The following FAM53B variants were observed in gnomAD, a reference collection of about 807,000 sequenced individuals.
FAM53B encodes the protein protein FAM53B.
Under a neutral mutation model 32.7 loss-of-function variants are expected in FAM53B, and 12 were observed. The ratio of observed to expected loss-of-function variants is 0.37; its 90% CI spans 0.24 to 0.59. The LOEUF (loss-of-function observed/expected upper bound fraction) is 0.59, where lower values mean the gene tolerates loss of function less well. Among genes scored for constraint, FAM53B ranks in the 20% least tolerant of loss-of-function variants. The pLI, the probability that FAM53B is intolerant of heterozygous loss-of-function variation, is 0.72. For missense variants in FAM53B, 477 were observed against 577.7 expected, an observed-to-expected ratio of 0.83 and a Z score of 1.79; for synonymous variants, 234 against 228.7, an observed-to-expected ratio of 1.02 and a Z score of -0.21.
In FAM53B at chr10:124,620,123, T is replaced by C. The variant is rs1949297223; in HGVS notation, c.*3119A>G. 1 of 152,632 alleles carries C rather than the reference T, an allele frequency of 6.6e-6. No individual in the cohort carries two copies. 9.5% of individuals were successfully genotyped at this position (152,632 alleles called of 1,614,324 possible). ...CACAAAACTGGCTACAAAAATTTGGTTGAAAAGTAAGGCTTTCTGAGAATG... is the reference window on the plus strand; with the variant it reads ...CACAAAACTGGCTACAAAAATTTGGCTGAAAAGTAAGGCTTTCTGAGAATG... On this transcript the variant is annotated 3_prime_UTR_variant, in exon 5 of 5. Transcript: ENST00000337318.
At chr10:124,701,734 G>A (rs950624359) in intron 2 of FAM53B, among the ~76,000 whole-genome samples, 17 of 152,344 alleles carry the variant, frequency 1.1e-4, no homozygotes, top group African/African-American at 4.1e-4. Context: ...AGCCATGGCT[G>A]CCGGCAGTGC....
chr10:124,674,113 A>G (rs747513772), intron 4 of FAM53B, among the ~76,000 whole-genome samples: 4 of 152,340 alleles, frequency 2.6e-5, no homozygotes, highest in Non-Finnish European at 5.9e-5. Context: ...CCTCAGAGTT[A>G]CAGAGCCCGG....
intron 4 of FAM53B, among the ~76,000 whole-genome samples, chr10:124,652,023 C>T (rs989935662): frequency 6.6e-6 from 1 of 152,206 alleles, no homozygotes; most frequent in Admixed American, 6.5e-5. Flanking sequence ...TTCCAAAGGG[C>T]ATACCTGGAG....
intron 4 of FAM53B, among the ~76,000 whole-genome samples, chr10:124,681,023 G>A (rs574955623): frequency 1.4e-4 from 22 of 152,330 alleles, no homozygotes; most frequent in African/African-American, 5.3e-4. Context: ...CAAGTGACAG[G>A]GGCGTGTGGC....
At chr10:124,675,261 AGGAAAGAAAGGGAG>A (rs1482361651) in intron 4 of FAM53B, among the ~76,000 whole-genome samples, 8 of 152,196 alleles carry the variant, frequency 5.3e-5, no homozygotes, top group Non-Finnish European at 1.5e-5. Context: ...GTCAAAAGAA[AGGAAAGAAAGGGAG>A]GGAAAGGAAG....
rs1452733783 is a variant in FAM53B at position 124,621,142 on chromosome 10, C to T, written c.*2100G>A. On this transcript the variant is annotated 3_prime_UTR_variant, in exon 5 of 5. Coordinates refer to ENST00000337318, the MANE Select transcript of FAM53B (RefSeq NM_014661.4). ...CCTCAGCCTCAGCTGGCACCGTCCA[C>T]CTCCCTCACTGCCTCTGCCTTCCAC... is the stretch of plus-strand genomic sequence containing the variant. 1 of 152,198 alleles carries T rather than the reference C, an allele frequency of 6.6e-6. No homozygotes were observed. The highest frequency in any genetic ancestry group is 1.5e-5 in the Non-Finnish European group (1 of 68,050). The allele number at this position is 152,198 out of a possible 1,614,324, so 9.4% of individuals were successfully genotyped here.
At chr10:124,686,297 T>C (rs573019087) in intron 3 of FAM53B, among the ~76,000 whole-genome samples, 9 of 152,332 alleles carry the variant, frequency 5.9e-5, no homozygotes, top group Non-Finnish European at 1.0e-4. Context: ...AGCTGGGTGA[T>C]GAATTCCTAC....
At chr10:124,626,085 A>G (rs61870465) in intron 4 of FAM53B, among the ~76,000 whole-genome samples, 15,530 of 152,334 alleles carry the variant, frequency 0.1, 1,113 homozygotes, top group Non-Finnish European at 0.17. Context: ...ACATCTGTTG[A>G]GATGCGTGTG....
intron 3 of FAM53B, among the ~76,000 whole-genome samples, chr10:124,694,998 GCC>G (rs1949859979): frequency 1.3e-5 from 2 of 152,328 alleles, no homozygotes; most frequent in Admixed American, 6.5e-5. Context: ...TGTGAATGAT[GCC>G]ACTGGCAGAG....
chr10:124,634,818 T>C (rs1166348480), intron 4 of FAM53B, among the ~76,000 whole-genome samples: 1 of 152,198 alleles, frequency 6.6e-6, no homozygotes, highest in Non-Finnish European at 1.5e-5. Flanking sequence ...ATGGACTTTC[T>C]TTTGAGGTGA....
rs1950154067 is a variant in FAM53B, at chr10:124,733,023, T to G, written c.-175+10990A>C. ...GCAGCCAGGCCAGATCCTCTTTTACTTTCTTTTCTAACAGGTGAAGGCATG... is the reference window on the plus strand; with the variant it reads ...GCAGCCAGGCCAGATCCTCTTTTACGTTCTTTTCTAACAGGTGAAGGCATG... On this transcript the variant is annotated intron_variant, in intron 1 of 4. Coordinates refer to ENST00000337318, the MANE Select transcript of FAM53B (RefSeq NM_014661.4). The surrounding 1 kb of genome is among the most constrained non-coding windows in gnomAD (Gnocchi z 4.3). 1.3e-5 allele frequency among the ~76,000 whole-genome samples: 2 copies of G among 152,162 alleles called. No individual in the cohort carries two copies. Among genetic ancestry groups the G allele is most frequent in the East Asian group, 1.9e-4 (1 of 5,184 alleles).
intron 1 of FAM53B, among the ~76,000 whole-genome samples, chr10:124,722,268 T>C (rs1051554115): frequency 2.6e-5 from 4 of 152,226 alleles, no homozygotes; most frequent in Non-Finnish European, 5.9e-5. Context: ...ATACATTATA[T>C]GTGTTGCAAC....
At position 124,620,364 on chromosome 10, in the gene FAM53B, A is replaced by AC. The variant is rs1390136160; in HGVS notation, c.*2877dup. 7.4e-6 allele frequency: 1 copy of AC among 135,488 alleles called. No homozygotes were observed. Among genetic ancestry groups the AC allele is most frequent in the African/African-American group, 2.8e-5 (1 of 36,142 alleles). 8.4% of individuals were successfully genotyped at this position (135,488 alleles called of 1,614,324 possible). The stretch of plus-strand genomic sequence containing the variant: ...GTGCATGTGGCACTAAGCCCCCCCC[A>AC]CCGCCCCGGCTTTCCTGCAGGCTTA... On this transcript the variant is annotated 3_prime_UTR_variant, in exon 5 of 5. Coordinates refer to ENST00000337318, the MANE Select transcript of FAM53B (RefSeq NM_014661.4).
intron 4 of FAM53B, among the ~76,000 whole-genome samples, chr10:124,642,510 C>A (rs1949483348): frequency 6.6e-6 from 1 of 152,236 alleles, no homozygotes; most frequent in Non-Finnish European, 1.5e-5. Flanking sequence ...CCCGGTGGCC[C>A]AACAGGCAGA....
chr10:124,709,958 T>C (rs145273739), intron 1 of FAM53B, among the ~76,000 whole-genome samples: 8 of 152,322 alleles, frequency 5.3e-5, no homozygotes, highest in Non-Finnish European at 1.0e-4. Context: ...GTTTGAATAT[T>C]CCATCCCACG....
At chr10:124,694,532 C>G (rs1949856067) in intron 3 of FAM53B, among the ~76,000 whole-genome samples, 1 of 152,214 alleles carries the variant, frequency 6.6e-6, no homozygotes, top group Non-Finnish European at 1.5e-5. Flanking sequence ...GAAATAAAGA[C>G]CAACATCTCC....
At chr10:124,625,991 G>C (rs2134034858) in intron 4 of FAM53B, among the ~76,000 whole-genome samples, 1 of 152,362 alleles carries the variant, frequency 6.6e-6, no homozygotes. Flanking sequence ...GTCCAGTCAA[G>C]GCCAGAGCAG....
At chr10:124,628,929 T>C (rs1046113952) in intron 4 of FAM53B, among the ~76,000 whole-genome samples, 3 of 152,216 alleles carry the variant, frequency 2.0e-5, no homozygotes, top group Admixed American at 2.0e-4. Flanking sequence ...TGGGCTTCCC[T>C]CGCCTCCCTG....
intron 1 of FAM53B, among the ~76,000 whole-genome samples, chr10:124,715,671 T>C (rs1433667077): frequency 3.9e-5 from 6 of 152,224 alleles, no homozygotes; most frequent in Non-Finnish European, 7.3e-5. Flanking sequence ...GCTAAGTCAG[T>C]ATCACAGCAA....
Sources: allele counts gnomAD v4.1 joint callset (sites outside exome capture counted in the v4.1 genomes callset), GRCh38; gene constraint gnomAD v4.1.1; non-coding constraint Gnocchi (gnomAD v3.1); transcripts MANE v1.5; gene names NCBI Gene and HGNC (gene_info 2026-07-23, HGNC 2026-07-21).